CFAP299: variants seen among roughly 807,000 people sequenced by gnomAD.
CFAP299 encodes cilia- and flagella-associated protein 299.
Under a neutral mutation model 27.0 loss-of-function variants are expected in CFAP299, and 21 were observed. The ratio of observed to expected loss-of-function variants is 0.78; its 90% CI spans 0.55 to 1.12. The LOEUF is 1.12. CFAP299 is among the 50% of genes most tolerant of loss of function. The pLI is 0.00. For synonymous variants in CFAP299, 104 were observed against 98.1 expected (o/e 1.06, Z -0.36); for missense variants, 310 against 276.6 (o/e 1.12, Z -0.86).
chr4:80,861,768 A>T (rs1319692773), intron 3 of CFAP299, among the ~76,000 whole-genome samples: 1 of 152,196 alleles, frequency 6.6e-6, no homozygotes, highest in East Asian at 1.9e-4. Context: ...ATAAAAAATA[A>T]TGCAAGTAAA....
intron 2 of CFAP299, among the ~76,000 whole-genome samples, chr4:80,477,704 C>T (rs541357096): frequency 6.6e-6 from 1 of 152,336 alleles, no homozygotes; most frequent in Admixed American, 6.5e-5. Context: ...CTAGCACCTA[C>T]TGTTCCTACC....
intron 3 of CFAP299, among the ~76,000 whole-genome samples, chr4:80,734,725 C>T (rs780079331): frequency 3.9e-5 from 6 of 152,104 alleles, no homozygotes; most frequent in Non-Finnish European, 5.9e-5. Context: ...AAGAGACTGT[C>T]GTTCCCCCAT....
intron 2 of CFAP299, among the ~76,000 whole-genome samples, chr4:80,453,998 A>G (rs1458289630): frequency 6.6e-6 from 1 of 152,024 alleles, no homozygotes; most frequent in Non-Finnish European, 1.5e-5. Flanking sequence ...CATACTGATC[A>G]CGTGTTGTTA....
chr4:80,963,460 TAA>T, intron 5 of CFAP299, 55 bp from the exon 6 acceptor site: 1 of 1,271,960 alleles, frequency 7.9e-7, no homozygotes, highest in African/African-American at 1.6e-5. Flanking sequence ...AAAAAAATTT[TAA>T]AAAAGGCCAA....
At chr4:80,852,787 G>T (rs1023092400) in intron 3 of CFAP299, among the ~76,000 whole-genome samples, 2 of 152,100 alleles carry the variant, frequency 1.3e-5, no homozygotes, top group Non-Finnish European at 2.9e-5. Context: ...CAAGTGTAAA[G>T]TTCTCTTTCT....
intron 3 of CFAP299, among the ~76,000 whole-genome samples, chr4:80,669,231 A>G (rs962491992): frequency 1.5e-5 from 2 of 129,340 alleles, no homozygotes; most frequent in Non-Finnish European, 3.1e-5. Context: ...CATGATCTCA[A>G]TTCAATGCAA....
intron 3 of CFAP299, among the ~76,000 whole-genome samples, chr4:80,647,310 C>G (rs1390218543): frequency 6.6e-6 from 1 of 152,078 alleles, no homozygotes; most frequent in African/African-American, 2.4e-5. Flanking sequence ...TCAGTCAAGT[C>G]TCAGACACAT....
chr4:80,913,505 A>G (rs747377967), intron 4 of CFAP299, among the ~76,000 whole-genome samples: 14 of 152,250 alleles, frequency 9.2e-5, no homozygotes, highest in Non-Finnish European at 1.5e-4. Flanking sequence ...AGTTTGGAAG[A>G]GTGTTTGAGG....
upstream of CFAP299, among the ~76,000 whole-genome samples, chr4:80,335,135 A>G (rs552996150): frequency 6.6e-6 from 1 of 152,352 alleles, no homozygotes; most frequent in Non-Finnish European, 1.5e-5. Context: ...GGCAGCTTCA[A>G]CACAGCAAAA....
chr4:80,695,619 T>C (rs1721038561), intron 3 of CFAP299, among the ~76,000 whole-genome samples: 1 of 151,988 alleles, frequency 6.6e-6, no homozygotes, highest in Admixed American at 6.6e-5. Context: ...GTAGACCACA[T>C]ATGCTCTACT....
intron 3 of CFAP299, among the ~76,000 whole-genome samples, chr4:80,847,896 G>A (rs1361364293): frequency 6.6e-6 from 1 of 152,036 alleles, no homozygotes; most frequent in African/African-American, 2.4e-5. Flanking sequence ...CTGTGAATCA[G>A]GACAGGAAAC....
the CFAP299 span, among the ~76,000 whole-genome samples, chr4:80,326,259 G>A: frequency 6.6e-6 from 1 of 152,066 alleles, no homozygotes; most frequent in African/African-American, 2.4e-5. Flanking sequence ...TGCATTGCGT[G>A]TGTGTGTGTA....
At chr4:80,429,328 CT>C (rs59153281) in intron 2 of CFAP299, among the ~76,000 whole-genome samples, 29,071 of 152,018 alleles carry the variant, frequency 0.19, 2,957 homozygotes, top group South Asian at 0.29. Flanking sequence ...ACATATTTTA[CT>C]TGTATCATTG....
chr4:80,742,371 G>T (rs1485339352), intron 3 of CFAP299, among the ~76,000 whole-genome samples: 1 of 152,080 alleles, frequency 6.6e-6, no homozygotes, highest in African/African-American at 2.4e-5. Flanking sequence ...TTTATTTATT[G>T]ATTTGCTTAT....
At chr4:80,437,495 T>C (rs1728148284) in intron 2 of CFAP299, among the ~76,000 whole-genome samples, 1 of 152,140 alleles carries the variant, frequency 6.6e-6, no homozygotes, top group Non-Finnish European at 1.5e-5. Flanking sequence ...GGGAACACGA[T>C]GGAGGCGAGC....
At chr4:80,685,556 G>A (rs555603051) in intron 3 of CFAP299, among the ~76,000 whole-genome samples, 34 of 145,106 alleles carry the variant, frequency 2.3e-4, no homozygotes, top group Middle Eastern at 3.7e-3. Flanking sequence ...GAACTATGCA[G>A]GTGCTAATTT....
Position 80,869,546 on chromosome 4 carries a change from G to A in CFAP299, c.334-447G>A, listed in dbSNP as rs115231839. 5.2e-3 allele frequency among the ~76,000 whole-genome samples: 789 copies of A among 152,154 alleles called. 7 individuals carry two copies. Among genetic ancestry groups the A allele is most frequent in the African/African-American group, 0.018 (749 of 41,512 alleles). On this transcript the variant is annotated intron_variant, in intron 3 of 5. Transcript: ENST00000358105. ...TTTTTTCTTTGGAGACGGAGTCTTG[G>A]TCTGTCACCCAGGCTGGAGTGCAGT...
At chr4:80,430,482 T>C (rs1382591449) in intron 2 of CFAP299, among the ~76,000 whole-genome samples, 1 of 152,258 alleles carries the variant, frequency 6.6e-6, no homozygotes, top group African/African-American at 2.4e-5. Flanking sequence ...TGAGGTGCTC[T>C]GGGGATCAGT....
intron 3 of CFAP299, among the ~76,000 whole-genome samples, chr4:80,602,208 T>A (rs1560649506): frequency 6.7e-6 from 1 of 149,828 alleles, no homozygotes; most frequent in Non-Finnish European, 1.5e-5. Flanking sequence ...ACCCCTGAAC[T>A]TAAAATAAAA....
Sources: gnomAD v4.1 joint callset for allele counts (sites outside exome capture counted in the v4.1 genomes callset) on GRCh38, gnomAD v4.1.1 for gene constraint, MANE v1.5 for transcripts, NCBI Gene and HGNC (gene_info 2026-07-23, HGNC 2026-07-21) for gene names.